Variants in PLAC8L1 observed in about 807,000 individuals in gnomAD.
PLAC8L1 encodes PLAC8 like 1.
In PLAC8L1, 13 loss-of-function variants were observed where a neutral mutation model predicts 16.3. The observed-to-expected ratio is 0.80, with a 90% CI of 0.52 to 1.27. PLAC8L1 has a LOEUF of 1.27. Ranked by LOEUF, PLAC8L1 falls within the 50% of genes most tolerant of loss-of-function variation. PLAC8L1 has a pLI of 0.00. For missense variants in PLAC8L1, 184 were observed against 220.2 expected, an observed-to-expected ratio of 0.84 and a Z score of 1.04; for synonymous variants, 78 against 79.3, an observed-to-expected ratio of 0.98 and a Z score of 0.09.
rs747367849 is a variant in PLAC8L1 at position 146,105,366 on chromosome 5, G to A, written c.-1055C>T. The stretch of plus-strand genomic sequence containing the variant: ...AGCTTCATAACTGCCTTCAATCATG[G>A]GGTTCTGGGCAACTGTCATTGTCTT... On this transcript the variant is annotated 5_prime_UTR_variant, in exon 1 of 4. Coordinates refer to ENST00000311450, the MANE Select transcript of PLAC8L1 (RefSeq NM_001029869.3). 6.6e-6 allele frequency among the ~76,000 whole-genome samples: 1 copy of A among 151,864 alleles called. No homozygotes were observed. The highest frequency in any genetic ancestry group is 2.4e-5 in the African/African-American group (1 of 41,324).
intron 2 of PLAC8L1, among the ~76,000 whole-genome samples, chr5:146,089,740 CTTTT>C (rs35287551): frequency 1.5e-5 from 2 of 136,186 alleles, no homozygotes; most frequent in Admixed American, 7.5e-5. Flanking sequence ...ACTTCTTCTT[CTTTT>C]TTTTTTTTTT....
chr5:146,099,658 CAAAAAAAAAAA>C (rs10581890), intron 1 of PLAC8L1, among the ~76,000 whole-genome samples: 2 of 88,736 alleles, frequency 2.3e-5, no homozygotes, highest in East Asian at 3.3e-4. Flanking sequence ...GACTCCGTCT[CAAAAAAAAAAA>C]AAAAAAAAAA....
At chr5:146,101,328 G>T (rs1289646927) in intron 1 of PLAC8L1, among the ~76,000 whole-genome samples, 3 of 152,118 alleles carry the variant, frequency 2.0e-5, no homozygotes, top group Non-Finnish European at 4.4e-5. Flanking sequence ...AGCCCAATTG[G>T]GCTGGCACTC....
chr5:146,089,021 TAATA>T (rs1227983126), intron 2 of PLAC8L1, among the ~76,000 whole-genome samples: 48 of 152,326 alleles, frequency 3.2e-4, no homozygotes, highest in African/African-American at 1.1e-3. Context: ...ACTAAGTGAC[TAATA>T]AATAGTGTTT....
At chr5:146,085,649 C>T (rs1266414022) in intron 2 of PLAC8L1, 52 bp from the exon 3 acceptor site, 1 of 1,565,026 alleles carries the variant, frequency 6.4e-7, no homozygotes, top group South Asian at 1.2e-5. Context: ...CTTGGAGCAA[C>T]TTCACATCTC....
At chr5:146,093,635 C>T (rs529600478) in intron 2 of PLAC8L1, among the ~76,000 whole-genome samples, 47 of 152,316 alleles carry the variant, frequency 3.1e-4, no homozygotes, top group Middle Eastern at 3.4e-3. Context: ...TGTTTAAGTG[C>T]CTCCTATGGT....
chr5:146,097,801 G>A lies in PLAC8L1; in HGVS notation c.256+355C>T, dbSNP rs563690918. 1.8e-3 allele frequency among the ~76,000 whole-genome samples: 272 copies of A among 152,282 alleles called. 1 individual carries two copies. The highest frequency in any genetic ancestry group is 3.2e-3 in the Non-Finnish European group (217 of 68,024). ...TAAAAATGTAATTACTGGGTCAAAA[G>A]CTATGCAACAGCTGAGGTTCTTTCT... On this transcript the variant is annotated intron_variant, in intron 2 of 3. Coordinates refer to ENST00000311450, the MANE Select transcript of PLAC8L1 (RefSeq NM_001029869.3).
intron 2 of PLAC8L1, among the ~76,000 whole-genome samples, chr5:146,093,110 C>T (rs1392699284): frequency 6.6e-6 from 1 of 151,648 alleles, no homozygotes; most frequent in African/African-American, 2.4e-5. Context: ...TTACAGGATG[C>T]TGTTTTTTCT....
chr5:146,096,957 A>G (rs938761623), intron 2 of PLAC8L1, among the ~76,000 whole-genome samples: 5 of 152,234 alleles, frequency 3.3e-5, no homozygotes, highest in Non-Finnish European at 7.3e-5. Context: ...GGACTTGCTC[A>G]GAGTTCTCTG....
At chr5:146,090,659 C>T (rs1021023563) in intron 2 of PLAC8L1, among the ~76,000 whole-genome samples, 8 of 152,140 alleles carry the variant, frequency 5.3e-5, no homozygotes, top group Non-Finnish European at 1.0e-4. Context: ...AGAGCAAATA[C>T]AAATGGCCAG....
intron 2 of PLAC8L1, among the ~76,000 whole-genome samples, chr5:146,096,932 C>T (rs1367455430): frequency 1.3e-5 from 2 of 152,186 alleles, no homozygotes; most frequent in African/African-American, 4.8e-5. Context: ...ACGGGGAAGA[C>T]TCTCAGCTGA....
chr5:146,089,177 C>A (rs113684341), intron 2 of PLAC8L1, among the ~76,000 whole-genome samples: 203 of 152,058 alleles, frequency 1.3e-3, no homozygotes, highest in African/African-American at 4.3e-3. Context: ...TTAAAAAAAA[C>A]ACACGCTTTT....
intron 1 of PLAC8L1, chr5:146,103,602 C>T (rs990091341): frequency 1.2e-5 from 11 of 937,878 alleles, no homozygotes; most frequent in Non-Finnish European, 1.3e-5. Flanking sequence ...GGTTGGTGAT[C>T]CTAACCCTCA....
chr5:146,096,967 GGT>G (rs1763727938), intron 2 of PLAC8L1, among the ~76,000 whole-genome samples: 1 of 152,168 alleles, frequency 6.6e-6, no homozygotes, highest in Non-Finnish European at 1.5e-5. Flanking sequence ...AGAGTTCTCT[GGT>G]TGATATGTCC....
intron 2 of PLAC8L1, among the ~76,000 whole-genome samples, chr5:146,095,754 G>A (rs1422738529): frequency 6.6e-6 from 1 of 152,120 alleles, no homozygotes; most frequent in Admixed American, 6.5e-5. Flanking sequence ...TCAAGAAGTA[G>A]GCACATGATA....
intron 1 of PLAC8L1, among the ~76,000 whole-genome samples, chr5:146,100,702 A>G (rs1763799606): frequency 6.6e-6 from 1 of 152,182 alleles, no homozygotes; most frequent in Non-Finnish European, 1.5e-5. Context: ...ATATATATAT[A>G]TGGATATAAC....
At chr5:146,099,602 C>A (rs542909539) in intron 1 of PLAC8L1, among the ~76,000 whole-genome samples, 1 of 144,208 alleles carries the variant, frequency 6.9e-6, no homozygotes. Context: ...GAGGTTGCAG[C>A]GAGCTGAGAT....
Position 146,094,201 on chromosome 5 carries a change from G to A in PLAC8L1, c.256+3955C>T, listed in dbSNP as rs1763673894. 2.0e-5 allele frequency among the ~76,000 whole-genome samples: 3 copies of A among 152,148 alleles called. No individual in the cohort carries two copies. In the South Asian group the frequency reaches 6.2e-4, roughly 32 times the overall value. On this transcript the variant is annotated intron_variant, in intron 2 of 3. Coordinates refer to ENST00000311450, the MANE Select transcript of PLAC8L1 (RefSeq NM_001029869.3). ...GGGTTCAAGAGATTCTCCTGCCTCAGCCTCCGGTGTAGCTGGGATTACAGG... is the reference window on the plus strand; with the variant it reads ...GGGTTCAAGAGATTCTCCTGCCTCAACCTCCGGTGTAGCTGGGATTACAGG...
chr5:146,084,491 T>C lies in PLAC8L1; in HGVS notation c.475A>G (p.Arg159Gly). The change falls in exon 4 of 4, where the codon AGG becomes GGG. Residue 159 changes from arginine (R) to glycine (G), a missense_variant. Physicochemically the swap from Arg to Gly is moderately radical, Grantham distance 125. Transcript: ENST00000311450. ...CAGATTTCATAGACTTGGGAGGTCC[T>C]CATCTTGAGTTCCCGGGCCACCTGG... ...ICQVARELKMRTSQVYEICAV... is the reference protein window; with the variant it reads ...ICQVARELKMGTSQVYEICAV... The C allele has an allele frequency of 2.5e-6, 4 of 1,614,168 alleles. No individual in the cohort carries two copies. The highest frequency in any genetic ancestry group is 3.4e-6 in the Non-Finnish European group (4 of 1,180,028).
Sources: allele counts gnomAD v4.1 joint callset (sites outside exome capture counted in the v4.1 genomes callset), GRCh38; gene constraint gnomAD v4.1.1; transcripts MANE v1.5; gene names NCBI Gene and HGNC (gene_info 2026-07-23, HGNC 2026-07-21).